COLQ: variants seen among roughly 807,000 people sequenced by gnomAD.
COLQ encodes acetylcholinesterase collagenic tail peptide.
Under a neutral mutation model 69.0 loss-of-function variants are expected in COLQ, and 48 were observed. The ratio of observed to expected loss-of-function variants is 0.70; its 90% CI spans 0.55 to 0.88. The LOEUF is 0.88. Ranked by LOEUF, COLQ falls within the 40% of genes least tolerant of loss-of-function variation. The pLI, the probability that COLQ is intolerant of heterozygous loss-of-function variation, is 0.00. For synonymous variants in COLQ, 217 were observed against 211.2 expected (o/e 1.03, Z -0.24); for missense variants, 618 against 594.6 (o/e 1.04, Z -0.41).
chr3:15,454,666 T>A (rs2062000831), intron 15 of COLQ, among the ~76,000 whole-genome samples: 1 of 143,050 alleles, frequency 7.0e-6, no homozygotes, highest in African/African-American at 2.7e-5. Flanking sequence ...TTTTTTTTTT[T>A]TTTTTTTGAG....
chr3:15,521,561 G>A lies in COLQ; in HGVS notation c.65C>T (p.Ser22Phe). Residue 22 changes from serine (S) to phenylalanine (F), a missense_variant, in exon 1 of 17, where the codon TCT becomes TTT. By Grantham distance (155) the Ser-to-Phe change is radical. Coordinates refer to ENST00000383788, the MANE Select transcript of COLQ (RefSeq NM_005677.4). ...AACGCTGTTGATGAAAGTCGGCTGA[G>A]ACACGATAGAGAGGAAGAAAAGCTG... is the stretch of plus-strand genomic sequence containing the variant. Reference protein sequence around the residue: ...YLQLFFLSIVSQPTFINSVLP... With the variant: ...YLQLFFLSIVFQPTFINSVLP... The A allele has an allele frequency of 6.2e-7, 1 of 1,614,206 alleles. No homozygotes were observed. The highest frequency in any genetic ancestry group is 8.5e-7 in the Non-Finnish European group (1 of 1,180,048).
At chr3:15,465,232 T>TTTTATTTA (rs201876301) in intron 12 of COLQ, among the ~76,000 whole-genome samples, 2,825 of 141,564 alleles carry the variant, frequency 0.02, 64 homozygotes, top group African/African-American at 0.032. Flanking sequence ...GACTTTATAT[T>TTTTATTTA]TTGATTTATT....
chr3:15,467,081 G>T lies in COLQ; in HGVS notation c.718-644C>A, dbSNP rs545305291. On this transcript the variant is annotated intron_variant, in intron 11 of 16. Transcript: ENST00000383788. Reference sequence around the variant, plus strand: ...TGTTTCCTTCATGGCATTTATCCCAGATCATAGCATATGGATTATTTGTGT... The same window carrying T: ...TGTTTCCTTCATGGCATTTATCCCATATCATAGCATATGGATTATTTGTGT... 1.2e-4 allele frequency among the ~76,000 whole-genome samples: 18 copies of T among 152,340 alleles called. No homozygotes were observed. The South Asian group carries it at 3.3e-3, about 28-fold the overall frequency.
At chr3:15,503,438 G>A (rs2062859950) in intron 1 of COLQ, among the ~76,000 whole-genome samples, 1 of 152,226 alleles carries the variant, frequency 6.6e-6, no homozygotes, top group South Asian at 2.1e-4. Context: ...GCCACGGGAT[G>A]TAAAGGGCCT....
intron 3 of COLQ, among the ~76,000 whole-genome samples, chr3:15,486,807 G>A (rs2062582862): frequency 6.6e-6 from 1 of 152,206 alleles, no homozygotes; most frequent in African/African-American, 2.4e-5. Context: ...AATAGTGAGT[G>A]AGATGGACAA....
intron 1 of COLQ, among the ~76,000 whole-genome samples, chr3:15,503,817 G>A (rs552358958): frequency 2.4e-4 from 36 of 152,064 alleles, no homozygotes; most frequent in South Asian, 1.0e-3. Context: ...ACCAGCACAC[G>A]GTGGAGATCT....
intron 11 of COLQ, chr3:15,467,891 T>C (rs1179107658): frequency 2.2e-6 from 1 of 456,762 alleles, no homozygotes; most frequent in Non-Finnish European, 4.4e-6. Flanking sequence ...CTTGGTAATG[T>C]GCAAGGAGTT....
chr3:15,475,646 A>G (rs2062367302), intron 6 of COLQ, among the ~76,000 whole-genome samples, 159 bp from the exon 7 acceptor site: 1 of 152,210 alleles, frequency 6.6e-6, no homozygotes, highest in Non-Finnish European at 1.5e-5. Context: ...TGAGGTCCCA[A>G]AACTCCGTAC....
At chr3:15,490,245 T>C (rs2062641903) in intron 1 of COLQ, among the ~76,000 whole-genome samples, 1 of 152,216 alleles carries the variant, frequency 6.6e-6, no homozygotes, top group South Asian at 2.1e-4. Context: ...TGTAGCTTTA[T>C]TTTTACAAAA....
At chr3:15,499,405 C>T (rs1027947060) in intron 1 of COLQ, among the ~76,000 whole-genome samples, 12 of 152,178 alleles carry the variant, frequency 7.9e-5, no homozygotes, top group African/African-American at 2.9e-4. Flanking sequence ...CAGGAGTCAG[C>T]AAACTTTTGC....
chr3:15,505,321 T>G (rs545019372), intron 1 of COLQ, among the ~76,000 whole-genome samples: 1 of 152,196 alleles, frequency 6.6e-6, no homozygotes, highest in Non-Finnish European at 1.5e-5. Context: ...GGAGGAAAAG[T>G]CTATCCTCAC....
At chr3:15,489,482 T>A (rs750602371) in intron 2 of COLQ, 43 bp downstream of exon 2, 1 of 1,582,180 alleles carries the variant, frequency 6.3e-7, no homozygotes. Flanking sequence ...GTGCACTGAG[T>A]AGCCTGCACT....
chr3:15,463,732 C>T (rs2062156906), intron 12 of COLQ, among the ~76,000 whole-genome samples: 1 of 152,132 alleles, frequency 6.6e-6, no homozygotes, highest in South Asian at 2.1e-4. Context: ...CTCTCAGTCT[C>T]TGCGGTTGGT....
intron 15 of COLQ, 44 bp downstream of exon 15, chr3:15,455,855 C>T (rs774726658): frequency 5.6e-6 from 9 of 1,613,168 alleles, no homozygotes; most frequent in South Asian, 2.2e-5. Flanking sequence ...TCCCACCCCC[C>T]TGCTGTTCAG....
intron 3 of COLQ, 63 bp from the exon 4 acceptor site, chr3:15,479,445 G>T: frequency 6.7e-7 from 1 of 1,497,586 alleles, no homozygotes; most frequent in African/African-American, 1.4e-5. Context: ...TGGGTGTGAG[G>T]CTCTTGGTGC....
intron 1 of COLQ, among the ~76,000 whole-genome samples, chr3:15,494,821 A>C (rs1042646574): frequency 7.9e-5 from 12 of 152,170 alleles, no homozygotes; most frequent in African/African-American, 2.9e-4. Context: ...CCCAGGGTCT[A>C]GCACTGTATC....
At chr3:15,515,820 A>C (rs760174771) in intron 1 of COLQ, among the ~76,000 whole-genome samples, 4 of 152,204 alleles carry the variant, frequency 2.6e-5, no homozygotes, top group South Asian at 2.1e-4. Flanking sequence ...AAATCAAAAT[A>C]AAAAATAAAA....
intron 1 of COLQ, among the ~76,000 whole-genome samples, chr3:15,494,009 G>A (rs1435415690): frequency 6.6e-6 from 1 of 152,194 alleles, no homozygotes. Context: ...CTTGAACTTG[G>A]GAGGCAGAGG....
At chr3:15,503,671 A>T (rs2062863573) in intron 1 of COLQ, among the ~76,000 whole-genome samples, 1 of 152,116 alleles carries the variant, frequency 6.6e-6, no homozygotes, top group Admixed American at 6.5e-5. Context: ...CAAGGTATAT[A>T]TTAGTACTGT....
Sources: gnomAD v4.1 joint callset for allele counts (sites outside exome capture counted in the v4.1 genomes callset) on GRCh38, gnomAD v4.1.1 for gene constraint, MANE v1.5 for transcripts, NCBI Gene and HGNC (gene_info 2026-07-23, HGNC 2026-07-21) for gene names.